CELSR3: variants seen among roughly 807,000 people sequenced by gnomAD.
The protein encoded by CELSR3 is cadherin EGF LAG seven-pass G-type receptor 3.
In CELSR3, 73 loss-of-function variants were observed where a neutral mutation model predicts 270.0. The observed-to-expected ratio is 0.27, with a 90% CI of 0.22 to 0.33. The LOEUF is 0.33. CELSR3 is among the 10% of genes least tolerant of loss of function. CELSR3 has a pLI of 1.00. For missense variants in CELSR3, 3,614 were observed against 4,533.8 expected, an observed-to-expected ratio of 0.80 and a Z score of 5.83; for synonymous variants, 1,780 against 1,905.4, an observed-to-expected ratio of 0.93 and a Z score of 1.71.
Position 48,652,394 on chromosome 3 carries a change from C to T in CELSR3, c.5751+43G>A. On this transcript the variant is annotated intron_variant, in intron 11 of 34. Transcript: ENST00000164024. This position sits in a 1 kb window ranked among gnomAD's most constrained non-coding sequence, Gnocchi z 4.3. ...CCAAGGAGCCCCTGACTTCTGACCC[C>T]TGACCCTAATGCCCCATATCACATT... The T allele has an allele frequency of 6.7e-7, 1 of 1,491,724 alleles. No homozygotes were observed. Among genetic ancestry groups the T allele is most frequent in the Non-Finnish European group, 9.4e-7 (1 of 1,068,662 alleles). The allele number at this position is 1,491,724 out of a possible 1,614,324, so 92.4% of individuals were successfully genotyped here. A position where few individuals can be genotyped will look rare whatever the true frequency, so the allele number is the denominator to read the frequency against.
In CELSR3 at chr3:48,644,828, C is replaced by A. The variant is rs1405289024; in HGVS notation, c.7973G>T (p.Gly2658Val). 6.2e-7 allele frequency: 1 copy of A among 1,612,542 alleles called. No individual in the cohort carries two copies. Among genetic ancestry groups the A allele is most frequent in the Non-Finnish European group, 8.5e-7 (1 of 1,179,320 alleles). Residue 2658 changes from glycine (G) to valine (V), a missense_variant and splice_region_variant, in exon 26 of 35, where the codon GGC (glycine) becomes GTC (valine). Gly to Val is a moderately radical substitution (Grantham distance 109, BLOSUM62 -3). Transcript: ENST00000164024. The surrounding 1 kb of genome is among the most constrained non-coding windows in gnomAD (Gnocchi z 4.8). ...CTCAGGGTCCAGGCCCACAGCAAGG[C>A]CTTGGGAAGAGAAAGGGTAGGACTG... is the stretch of plus-strand genomic sequence containing the variant. ...LGWGVPAVLL[G>V]LAVGLDPEGY...
At position 48,661,210 on chromosome 3, in the gene CELSR3, C is replaced by T. The variant is rs2077063928; in HGVS notation, c.1425G>A (p.Pro475=). 3 of 1,600,030 alleles carry T rather than the reference C, an allele frequency of 1.9e-6. No individual in the cohort carries two copies. Among genetic ancestry groups the T allele is most frequent in the South Asian group, 2.2e-5 (2 of 89,990 alleles). Residue 475 remains proline (P), a synonymous_variant, in exon 1 of 35, where the codon CCG becomes CCA. Transcript: ENST00000164024. Reference sequence around the variant, plus strand: ...CGGCAGCTGCAGCGCGCGCAGCTGGCGGCCCCACGAAGCGGTAGCGCAGGT... The same window carrying T: ...CGGCAGCTGCAGCGCGCGCAGCTGGTGGCCCCACGAAGCGGTAGCGCAGGT... ...NANLRYRFVG[P]PAARAAAAAA...
At position 48,653,827 on chromosome 3, in the gene CELSR3, C is replaced by T. The variant is rs368973702; in HGVS notation, c.5279-39G>A. 21 of 1,612,356 alleles carry T rather than the reference C, an allele frequency of 1.3e-5. No homozygotes were observed. The African/African-American group carries it at 2.3e-4, about 17-fold the overall frequency. On this transcript the variant is annotated intron_variant, in intron 8 of 34. Coordinates refer to ENST00000164024, the MANE Select transcript of CELSR3 (RefSeq NM_001407.3). This position sits in a 1 kb window ranked among gnomAD's most constrained non-coding sequence, Gnocchi z 6.5. ...AGAAACAGGGTTACAGCCCCTGCCCCAGGAACAGATCTGACCCTGCAGGCC... is the reference window on the plus strand; with the variant it reads ...AGAAACAGGGTTACAGCCCCTGCCCTAGGAACAGATCTGACCCTGCAGGCC...
Position 48,641,013 on chromosome 3 carries a change from C to T in CELSR3, c.9025+311G>A, listed in dbSNP as rs1039328674. The T allele has an allele frequency of 2.5e-6, 1 of 403,264 alleles. No homozygotes were observed. The highest frequency in any genetic ancestry group is 4.4e-6 in the Non-Finnish European group (1 of 225,698). 25.0% of individuals were successfully genotyped at this position (403,264 alleles called of 1,614,324 possible). The stretch of plus-strand genomic sequence containing the variant: ...GGCAGAAATCTTCCAGATCAGAGCA[C>T]GGGCTCTGGGATCTGGGTGGGGGGC... On this transcript the variant is annotated intron_variant, in intron 33 of 34. Coordinates refer to ENST00000164024, the MANE Select transcript of CELSR3 (RefSeq NM_001407.3). This position sits in a 1 kb window ranked among gnomAD's most constrained non-coding sequence, Gnocchi z 4.8.
intron 28 of CELSR3, 160 bp downstream of exon 28, chr3:48,643,394 C>A: frequency 9.9e-7 from 1 of 1,009,556 alleles, no homozygotes; most frequent in Non-Finnish European, 1.4e-6. Flanking sequence ...GGCCTGGGGG[C>A]AGCAGCTAGG....
rs747471025 is a variant in CELSR3 at position 48,661,057 on chromosome 3, C to G, written c.1578G>C (p.Ser526=). Residue 526 remains serine (S), a synonymous_variant, in exon 1 of 35, where the codon TCG becomes TCC. Transcript: ENST00000164024. The part of the protein sequence containing the change: ...SDQGQEPGPR[S]ATVRVHITVL... ...CAGTTATGTGTACGCGCACAGTGGC[C>G]GAGCGCGGCCCGGGTTCCTGGCCCT... 3 of 1,613,712 alleles carry G rather than the reference C, an allele frequency of 1.9e-6. No homozygotes were observed. The highest frequency in any genetic ancestry group is 2.5e-6 in the Non-Finnish European group (3 of 1,180,032).
At position 48,656,261 on chromosome 3, in the gene CELSR3, A is replaced by G; in HGVS notation, c.4504T>C (p.Cys1502Arg). The change falls in exon 3 of 35, where the codon TGC becomes CGC. Residue 1502 changes from cysteine (C) to arginine (R), a missense_variant. Physicochemically the swap from Cys to Arg is radical, Grantham distance 180 (BLOSUM62 -3). Coordinates refer to ENST00000164024, the MANE Select transcript of CELSR3 (RefSeq NM_001407.3). ...CCCTCGAAGGCGCCGCCTGCCGGGC[A>G]CTGGCAGCGAAAGCCGCCGTTGGGC... ...DAPNGGFRCQ[C>R]PAGGAFEGPR... 6.5e-7 allele frequency: 1 copy of G among 1,533,374 alleles called. No homozygotes were observed. Among genetic ancestry groups the G allele is most frequent in the Non-Finnish European group, 8.7e-7 (1 of 1,145,594 alleles). The allele number at this position is 1,533,374 out of a possible 1,614,324, so 95.0% of individuals were successfully genotyped here. A position where few individuals can be genotyped will look rare whatever the true frequency, so the allele number is the denominator to read the frequency against.
chr3:48,657,384 G>A lies in CELSR3; in HGVS notation c.3749-36C>T, dbSNP rs1212835800. 3 of 1,524,908 alleles carry A rather than the reference G, an allele frequency of 2.0e-6. No individual in the cohort carries two copies. In the South Asian group the frequency reaches 3.7e-5, roughly 19 times the overall value. The allele number at this position is 1,524,908 out of a possible 1,614,324, so 94.5% of individuals were successfully genotyped here. On this transcript the variant is annotated intron_variant, in intron 1 of 34. Coordinates refer to ENST00000164024, the MANE Select transcript of CELSR3 (RefSeq NM_001407.3). This position sits in a 1 kb window ranked among gnomAD's most constrained non-coding sequence, Gnocchi z 5.4. ...GGGCAGGGGCAGTGGTCATCCTGGG[G>A]ACAGTGGCCACCCCTCCCTGGGACA...
At position 48,642,874 on chromosome 3, in the gene CELSR3, G is replaced by A. The variant is rs2047042148; in HGVS notation, c.8417C>T (p.Ala2806Val). The change falls in exon 30 of 35, where the codon GCC becomes GTC. Residue 2806 changes from alanine (A) to valine (V), a missense_variant. Around this residue, in one of 7 missense-constraint regions of CELSR3, gnomAD observed 1,240 missense variants for 1,351.7 expected, o/e 0.92. Coordinates refer to ENST00000164024, the MANE Select transcript of CELSR3 (RefSeq NM_001407.3). The surrounding 1 kb of genome is among the most constrained non-coding windows in gnomAD (Gnocchi z 6.1). ...CTCAAAGAGAGCCGTGTTGTTGTAG[G>A]CCCCAGGTCCCTGGGGGTGGTAGGG... is the stretch of plus-strand genomic sequence containing the variant. ...ARPAPGLGPG[A>V]YNNTALFEES... is the part of the protein sequence containing the mutation. 6.2e-7 allele frequency: 1 copy of A among 1,613,114 alleles called. No homozygotes were observed. Among genetic ancestry groups the A allele is most frequent in the East Asian group, 2.2e-5 (1 of 44,880 alleles).
chr3:48,639,454 C>T lies in CELSR3; in HGVS notation c.9911+220G>A, dbSNP rs2047002134. 6.6e-6 allele frequency among the ~76,000 whole-genome samples: 1 copy of T among 152,178 alleles called. No homozygotes were observed. The highest frequency in any genetic ancestry group is 1.5e-5 in the Non-Finnish European group (1 of 68,028). ...GCCTGGGAGGTGCTGGGAAGGCTGG[C>T]TGGCTCCAGTCACACAGCCAGCAAG... On this transcript the variant is annotated intron_variant, in intron 34 of 34. Coordinates refer to ENST00000164024, the MANE Select transcript of CELSR3 (RefSeq NM_001407.3). The surrounding 1 kb of genome is among the most constrained non-coding windows in gnomAD (Gnocchi z 4.1).
chr3:48,648,246 C>CAACCCCCCCCCA lies in CELSR3; in HGVS notation c.6973+19_6973+20insTGGGGGGGGGTT. On this transcript the variant is annotated intron_variant, in intron 19 of 34. Transcript: ENST00000164024. ...CATGGCCCCCCTGCTGTGCCCCGCC[C>CAACCCCCCCCCA]TACCCCACCCACAACGCACTGATAT... The CAACCCCCCCCCA allele has an allele frequency of 7.1e-7, 1 of 1,418,306 alleles. No individual in the cohort carries two copies. Among genetic ancestry groups the CAACCCCCCCCCA allele is most frequent in the Non-Finnish European group, 9.9e-7 (1 of 1,009,196 alleles). 87.9% of individuals were successfully genotyped at this position (1,418,306 alleles called of 1,614,324 possible).
chr3:48,656,289 G>C lies in CELSR3; in HGVS notation c.4476C>G (p.Asp1492Glu), dbSNP rs759668141. 9 of 1,531,828 alleles carry C rather than the reference G, an allele frequency of 5.9e-6. No homozygotes were observed. Among genetic ancestry groups the C allele is most frequent in the South Asian group, 4.8e-5 (4 of 83,746 alleles). 94.9% of individuals were successfully genotyped at this position (1,531,828 alleles called of 1,614,324 possible). The change falls in exon 3 of 35, where the codon GAC becomes GAG. Residue 1492 changes from aspartate to glutamate, a missense_variant. Physicochemically the swap from Asp to Glu is conservative, Grantham distance 45. Around this residue, in one of 7 missense-constraint regions of CELSR3, gnomAD observed 1,331 missense variants for 1,933.7 expected, o/e 0.69. Transcript: ENST00000164024. Reference protein sequence around the residue: ...GVCRNGGTCTDAPNGGFRCQC... With the variant: ...GVCRNGGTCTEAPNGGFRCQC... ...GGCAGCGAAAGCCGCCGTTGGGCGC[G>C]TCGGTGCAGGTGCCCCCGTTGCGGC...
Position 48,655,631 on chromosome 3 carries a change from G to A in CELSR3, c.4741+105C>T, listed in dbSNP as rs1344864025. On this transcript the variant is annotated intron_variant, in intron 4 of 34. Transcript: ENST00000164024. This position sits in a 1 kb window ranked among gnomAD's most constrained non-coding sequence, Gnocchi z 5.8. ...GCTAGGTCTTCAGGGCTTGCATGGC[G>A]TGGAGTGTGTGCTCAGGTGCACAGT... The A allele has an allele frequency of 9.7e-6, 10 of 1,026,978 alleles. No individual in the cohort carries two copies. The highest frequency in any genetic ancestry group is 9.4e-5 in the African/African-American group (6 of 63,776). The allele number at this position is 1,026,978 out of a possible 1,614,324, so 63.6% of individuals were successfully genotyped here.
Position 48,661,185 on chromosome 3 carries a change from C to T in CELSR3, c.1450G>A (p.Ala484Thr), listed in dbSNP as rs369845082. 8 of 1,596,654 alleles carry T rather than the reference C, an allele frequency of 5.0e-6. No homozygotes were observed. In the African/African-American group the frequency reaches 1.1e-4, roughly 21 times the overall value. The stretch of plus-strand genomic sequence containing the variant: ...GAGCGTGGATCAATCTCGAAGGCGG[C>T]GGCAGCTGCAGCGCGCGCAGCTGGC... ...GPPAARAAAA[A>T]AFEIDPRSGL... is the part of the protein sequence containing the mutation. Residue 484 changes from alanine to threonine, a missense_variant, in exon 1 of 35, where the codon GCC becomes ACC. Physicochemically the swap from Ala to Thr is moderately conservative, Grantham distance 58 (BLOSUM62 0). This residue lies in a region of CELSR3 where 354 missense variants were observed against 500.9 expected (regional missense o/e 0.71). Transcript: ENST00000164024.
At chr3:48,643,871 G>A (rs2047053145) in intron 27 of CELSR3, 194 bp from the exon 28 acceptor site, 1 of 652,988 alleles carries the variant, frequency 1.5e-6, no homozygotes. Context: ...CAGTCAAAGA[G>A]CCATGAGGAC....
intron 3 of CELSR3, 62 bp downstream of exon 3, chr3:48,656,078 C>CT: frequency 2.8e-6 from 4 of 1,408,202 alleles, no homozygotes; most frequent in Non-Finnish European, 3.8e-6. Context: ...AGTCAGGAAT[C>CT]TGAGTCAGGG....
At position 48,651,099 on chromosome 3, in the gene CELSR3, C is replaced by T; in HGVS notation, c.6187-24G>A. ...TCCTGTTTGAGGATGGGCCAGGGGCCTGAAGTCAGAGGTCAGGGCTTGGGG... is the reference window on the plus strand; with the variant it reads ...TCCTGTTTGAGGATGGGCCAGGGGCTTGAAGTCAGAGGTCAGGGCTTGGGG... On this transcript the variant is annotated intron_variant, in intron 14 of 34. Transcript: ENST00000164024. The surrounding 1 kb of genome is among the most constrained non-coding windows in gnomAD (Gnocchi z 7.4). 1 of 1,541,434 alleles carries T rather than the reference C, an allele frequency of 6.5e-7. No individual in the cohort carries two copies. The highest frequency in any genetic ancestry group is 8.7e-7 in the Non-Finnish European group (1 of 1,144,818).
In CELSR3 at chr3:48,645,706, C is replaced by A; in HGVS notation, c.7590+36G>T. 6.3e-7 allele frequency: 1 copy of A among 1,599,562 alleles called. No individual in the cohort carries two copies. Among genetic ancestry groups the A allele is most frequent in the Non-Finnish European group, 8.6e-7 (1 of 1,169,444 alleles). ...GGGCAGAATCCCCGTGTCCCTTTGA[C>A]CCCCCACTTCCTTGGGACACTGAAC... On this transcript the variant is annotated intron_variant, in intron 23 of 34. Coordinates refer to ENST00000164024, the MANE Select transcript of CELSR3 (RefSeq NM_001407.3). The surrounding 1 kb of genome is among the most constrained non-coding windows in gnomAD (Gnocchi z 5.4).
In CELSR3 at chr3:48,662,072, T is replaced by A; in HGVS notation, c.563A>T (p.Gln188Leu). The change falls in exon 1 of 35, where the codon CAG becomes CTG. Residue 188 changes from glutamine to leucine, a missense_variant. Around this residue, in one of 7 missense-constraint regions of CELSR3, gnomAD observed 470 missense variants for 469.7 expected, o/e 1.00. Coordinates refer to ENST00000164024, the MANE Select transcript of CELSR3 (RefSeq NM_001407.3). This position sits in a 1 kb window ranked among gnomAD's most constrained non-coding sequence, Gnocchi z 7.1. ...RHHGPKPVSS[Q>L]RNAGTGSRKR... ...GCGGGAGCCTGTCCCAGCGTTCCGC[T>A]GGGAGGACACCGGCTTGGGACCGTG... 3.1e-6 allele frequency: 5 copies of A among 1,614,054 alleles called. No homozygotes were observed. Among genetic ancestry groups the A allele is most frequent in the Non-Finnish European group, 4.2e-6 (5 of 1,180,028 alleles).
Sources: allele counts gnomAD v4.1 joint callset (sites outside exome capture counted in the v4.1 genomes callset), GRCh38; gene constraint gnomAD v4.1.1; regional missense constraint gnomAD v4.1.1; non-coding constraint Gnocchi (gnomAD v3.1); transcripts MANE v1.5; gene names NCBI Gene and HGNC (gene_info 2026-07-23, HGNC 2026-07-21).